Variants in RBMX2 observed in about 807,000 individuals in gnomAD.
RBMX2 encodes RNA binding motif protein X-linked 2, also known as RNA-binding motif protein, X-linked 2.
For synonymous variants in RBMX2, 77 were observed against 94.3 expected, an observed-to-expected ratio of 0.82 and a Z score of 1.07; for missense variants, 191 against 256.0, an observed-to-expected ratio of 0.75 and a Z score of 1.73.
intron 5 of RBMX2, 90 bp downstream of exon 5, chrX:130,411,615 G>A: frequency 3.4e-6 from 3 of 875,862 alleles, no homozygotes; most frequent in East Asian, 6.9e-5. Context: ...CAACTCAAGT[G>A]TGAAAGGGGA....
At chrX:130,404,810 G>C (rs1459777360) in intron 3 of RBMX2, among the ~76,000 whole-genome samples, 1 of 112,259 alleles carries the variant, frequency 8.9e-6, no homozygotes, top group Middle Eastern at 4.2e-3. Context: ...AGAGAACCTG[G>C]GCAACCCACA....
chrX:130,402,225 A>ACCCCCCCCCCCCCCCCCCC, intron 1 of RBMX2, 30 bp from the exon 2 acceptor site: 1 of 984,797 alleles, frequency 1.0e-6, no homozygotes, highest in Non-Finnish European at 1.4e-6. Context: ...TTTTCTGCCT[A>ACCCCCCCCCCCCCCCCCCC]CCCTCCCCAC....
At chrX:130,411,638 G>C (rs1354248070) in intron 5 of RBMX2, 113 bp downstream of exon 5, 3 of 752,897 alleles carry the variant, frequency 4.0e-6, no homozygotes, top group Non-Finnish European at 3.7e-6. Context: ...GTGTGGGGAA[G>C]CATAGTTTAA....
rs2034525353 is a variant in RBMX2 at position 130,413,460 on chromosome X, T to A, written c.*612T>A. 1.8e-5 allele frequency: 2 copies of A among 111,764 alleles called. No homozygotes were observed. Among genetic ancestry groups the A allele is most frequent in the South Asian group, 7.5e-4 (2 of 2,684 alleles). 9.2% of individuals were successfully genotyped at this position (111,764 alleles called of 1,213,427 possible). A position where few individuals can be genotyped will look rare whatever the true frequency, so the allele number is the denominator to read the frequency against. ...GGAACAATTCAGTGGCATTTGGTAC[T>A]GAACATCCACAGTGTTGTGTAACCA... is the stretch of plus-strand genomic sequence containing the variant. On this transcript the variant is annotated 3_prime_UTR_variant, in exon 6 of 6. Transcript: ENST00000305536.
At chrX:130,405,336 G>A (rs1025970514) in intron 3 of RBMX2, among the ~76,000 whole-genome samples, 1 of 108,594 alleles carries the variant, frequency 9.2e-6, no homozygotes, top group Non-Finnish European at 1.9e-5. Flanking sequence ...CCAGGATTGC[G>A]CCATTGCACT....
chrX:130,406,673 CAAAAA>C (rs760646561), intron 3 of RBMX2, among the ~76,000 whole-genome samples: 1 of 58,775 alleles, frequency 1.7e-5, no homozygotes. Flanking sequence ...ACTCTGTCTC[CAAAAA>C]AAAAAAAAAA....
intron 4 of RBMX2, chrX:130,411,068 T>A: frequency 4.0e-6 from 1 of 247,877 alleles, no homozygotes; most frequent in Non-Finnish European, 7.2e-6. Flanking sequence ...TTATGGCACA[T>A]ACAGAACATG....
intron 5 of RBMX2, among the ~76,000 whole-genome samples, chrX:130,412,062 A>G (rs2034515171): frequency 9.2e-6 from 1 of 109,093 alleles, no homozygotes; most frequent in Non-Finnish European, 1.9e-5. Context: ...AGCTGGGACT[A>G]GAAGCACCCG....
intron 3 of RBMX2, chrX:130,404,296 G>A (rs2034473103): frequency 8.0e-6 from 1 of 125,311 alleles, no homozygotes; most frequent in Non-Finnish European, 1.6e-5. Context: ...CTCGATGAGT[G>A]TAAGGTTAGT....
intron 3 of RBMX2, among the ~76,000 whole-genome samples, chrX:130,405,030 G>A (rs1007308394): frequency 8.9e-6 from 1 of 112,132 alleles, no homozygotes; most frequent in South Asian, 3.7e-4. Flanking sequence ...TTCTGGTTAC[G>A]CACGTTGCTC....
intron 3 of RBMX2, chrX:130,404,129 C>T: frequency 3.1e-6 from 1 of 326,503 alleles, no homozygotes; most frequent in Non-Finnish European, 5.4e-6. Context: ...TGGGCCTAGA[C>T]TGGAACAGAC....
chrX:130,402,225 A>ACCCCCCCCCCCCCCCC, intron 1 of RBMX2, 30 bp from the exon 2 acceptor site: 2 of 984,791 alleles, frequency 2.0e-6, no homozygotes, highest in Non-Finnish European at 2.8e-6. Context: ...TTTTCTGCCT[A>ACCCCCCCCCCCCCCCC]CCCTCCCCAC....
intron 1 of RBMX2, 30 bp from the exon 2 acceptor site, chrX:130,402,225 A>AGCCAAACCC: frequency 1.0e-6 from 1 of 984,796 alleles, no homozygotes; most frequent in Non-Finnish European, 1.4e-6. Context: ...TTTTCTGCCT[A>AGCCAAACCC]CCCTCCCCAC....
intron 3 of RBMX2, among the ~76,000 whole-genome samples, chrX:130,405,449 A>G (rs966747809): frequency 8.9e-6 from 1 of 111,936 alleles, no homozygotes; most frequent in African/African-American, 3.2e-5. Flanking sequence ...CATAGTCATT[A>G]TAGAACATTT....
Position 130,409,245 on chromosome X carries a change from TA to T in RBMX2, c.174-8del, listed in dbSNP as rs1298608122. Reference sequence around the variant, plus strand: ...AAGTCAACAGTGTCTTACTCTTTTATAAAATAAATAGATATGGGGAGATTGT... The same window carrying T: ...AAGTCAACAGTGTCTTACTCTTTTATAAATAAATAGATATGGGGAGATTGT... On this transcript the variant is annotated splice_polypyrimidine_tract_variant and intron_variant, in intron 3 of 5. Coordinates refer to ENST00000305536, the MANE Select transcript of RBMX2 (RefSeq NM_016024.4). The T allele has an allele frequency of 8.4e-7, 1 of 1,188,438 alleles. No individual in the cohort carries two copies.
In RBMX2 at chrX:130,402,126, G is replaced by T. The variant is rs1368573004; in HGVS notation, c.5+89G>T. On this transcript the variant is annotated intron_variant, in intron 1 of 5. Coordinates refer to ENST00000305536, the MANE Select transcript of RBMX2 (RefSeq NM_016024.4). ...GGTGTGGTAGAGCGTCTGCGGGGCC[G>T]AGGGGCGGGAGCGGCGCGGGGACTG... The T allele has an allele frequency of 2.6e-6, 3 of 1,166,027 alleles. No homozygotes were observed. The East Asian group carries it at 9.4e-5, about 36-fold the overall frequency.
intron 5 of RBMX2, among the ~76,000 whole-genome samples, chrX:130,412,038 T>G (rs1047723916): frequency 1.8e-5 from 2 of 110,476 alleles, no homozygotes; most frequent in African/African-American, 6.6e-5. Context: ...TTCTCCTGCC[T>G]CAGCCTTCTG....
Position 130,412,089 on chromosome X carries a change from AT to A in RBMX2, c.482-254del, listed in dbSNP as rs750449865. Among the ~76,000 whole-genome samples, 441 of 96,296 alleles carry A rather than the reference AT, an allele frequency of 4.6e-3. 1 individual carries two copies. Among genetic ancestry groups the A allele is most frequent in the Middle Eastern group, 0.011 (2 of 190 alleles). 83.6% of individuals were successfully genotyped at this position (96,296 alleles called of 115,157 possible). A position where few individuals can be genotyped will look rare whatever the true frequency, so the allele number is the denominator to read the frequency against. On this transcript the variant is annotated intron_variant, in intron 5 of 5. Transcript: ENST00000305536. Reference sequence around the variant, plus strand: ...AAGCACCCGCCACCACACCCGGCTAATTTTTTTTTTTTTTTTTTAGTAGAGA... The same window carrying A: ...AAGCACCCGCCACCACACCCGGCTAATTTTTTTTTTTTTTTTTAGTAGAGA...
At chrX:130,402,189 C>T in intron 1 of RBMX2, 66 bp from the exon 2 acceptor site, 1 of 1,172,724 alleles carries the variant, frequency 8.5e-7, no homozygotes, top group Non-Finnish European at 1.1e-6. Flanking sequence ...TCCTCAGCTC[C>T]GGCCGGTTCG....
Sources: gnomAD v4.1 joint callset for allele counts (sites outside exome capture counted in the v4.1 genomes callset) on GRCh38, gnomAD v4.1.1 for gene constraint, MANE v1.5 for transcripts, NCBI Gene and HGNC (gene_info 2026-07-23, HGNC 2026-07-21) for gene names.